The following MDN1 variants were observed in gnomAD, a reference collection of about 807,000 sequenced individuals.
MDN1 encodes the protein midasin AAA ATPase 1, also known as midasin.
Under a neutral mutation model 669.2 loss-of-function variants are expected in MDN1, and 266 were observed. The ratio of observed to expected loss-of-function variants is 0.40; its 90% CI spans 0.36 to 0.44. The LOEUF (loss-of-function observed/expected upper bound fraction) is 0.44. Ranked by LOEUF, MDN1 falls within the 20% of genes least tolerant of loss-of-function variation. The probability of loss-of-function intolerance (pLI) is 1.00; values close to 1 mark genes in which losing one functional copy is unlikely to be tolerated. For missense variants in MDN1, 5,940 were observed against 6,754.0 expected (o/e 0.88, Z 4.22); for synonymous variants, 2,385 against 2,457.1 (o/e 0.97, Z 0.87).
At chr6:89,763,918 C>T (rs1050486578) in intron 15 of MDN1, among the ~76,000 whole-genome samples, 1 of 152,118 alleles carries the variant, frequency 6.6e-6, no homozygotes, top group Non-Finnish European at 1.5e-5. Flanking sequence ...ATTTATTAAA[C>T]AAAAAATGTA....
At chr6:89,762,277 G>C (rs1316337013) in intron 16 of MDN1, 42 bp downstream of exon 16, 1 of 1,524,712 alleles carries the variant, frequency 6.6e-7, no homozygotes, top group East Asian at 2.3e-5. Flanking sequence ...CTAAAGCCCA[G>C]CCCCATGCCC....
Position 89,650,832 on chromosome 6 carries a change from C to T in MDN1, c.15931G>A (p.Glu5311Lys). 1 of 1,613,988 alleles carries T rather than the reference C, an allele frequency of 6.2e-7. No individual in the cohort carries two copies. The highest frequency in any genetic ancestry group is 8.5e-7 in the Non-Finnish European group (1 of 1,179,848). Residue 5311 changes from glutamate (E) to lysine (K), a missense_variant, in exon 96 of 102, where the codon GAG becomes AAG. Around this residue, in one of 5 missense-constraint regions of MDN1, gnomAD observed 2,280 missense variants for 2,576.3 expected, o/e 0.88. Coordinates refer to ENST00000369393, the MANE Select transcript of MDN1 (RefSeq NM_014611.3). ...GNPEEEKVAA[E>K]MWQSYLILTA... ...AAGATCAGGTAACTCTGCCACATCT[C>T]AGCTGCAACCTTCTCCTGTGACAAC...
chr6:89,776,560 G>A, intron 12 of MDN1, 40 bp downstream of exon 12: 1 of 1,492,294 alleles, frequency 6.7e-7, no homozygotes, highest in Non-Finnish European at 9.3e-7. Flanking sequence ...AAAAATCCTA[G>A]CCTCCTTTCA....
chr6:89,670,884 T>A, intron 83 of MDN1, 35 bp downstream of exon 83: 1 of 1,593,562 alleles, frequency 6.3e-7, no homozygotes, highest in East Asian at 2.2e-5. Context: ...CTTGGGTCCC[T>A]GCTGCTCACA....
intron 53 of MDN1, among the ~76,000 whole-genome samples, chr6:89,705,626 G>C (rs777732032): frequency 3.9e-5 from 6 of 152,156 alleles, no homozygotes; most frequent in Non-Finnish European, 7.4e-5. Flanking sequence ...AATGCTGAGT[G>C]AAAGAATATA....
rs766657920 is a variant in MDN1, at chr6:89,701,639, C to G, written c.8346G>C (p.Gln2782His). 1 of 1,614,078 alleles carries G rather than the reference C, an allele frequency of 6.2e-7. No homozygotes were observed. Among genetic ancestry groups the G allele is most frequent in the Admixed American group, 1.7e-5 (1 of 60,012 alleles). ...CACCAGTCTGGCTCCCCAGACAATT[C>G]TGAATATGTTCTGAGACAGTCTGAA... is the stretch of plus-strand genomic sequence containing the variant. Reference protein sequence around the residue: ...KEVQTVSEHIQNCLGSQTGGF... With the variant: ...KEVQTVSEHIHNCLGSQTGGF... Residue 2782 changes from glutamine (Q) to histidine (H), a missense_variant, in exon 55 of 102, where the codon CAG (glutamine) becomes CAC (histidine). Coordinates refer to ENST00000369393, the MANE Select transcript of MDN1 (RefSeq NM_014611.3).
At chr6:89,673,952 C>T in intron 79 of MDN1, 152 bp downstream of exon 79, 1 of 648,804 alleles carries the variant, frequency 1.5e-6, no homozygotes, top group Non-Finnish European at 2.5e-6. Context: ...CCCCACCCCA[C>T]CCCATCCCCC....
chr6:89,673,574 G>T, intron 79 of MDN1, 112 bp from the exon 80 acceptor site: 2 of 911,630 alleles, frequency 2.2e-6, no homozygotes, highest in Non-Finnish European at 3.4e-6. Context: ...CATAGCTGAA[G>T]GTTTACGGCT....
intron 84 of MDN1, among the ~76,000 whole-genome samples, chr6:89,665,368 A>T (rs987986800): frequency 7.2e-5 from 11 of 152,086 alleles, no homozygotes; most frequent in Non-Finnish European, 2.9e-5. Flanking sequence ...TATTTGGGGC[A>T]AAAAGTTTTG....
intron 84 of MDN1, among the ~76,000 whole-genome samples, chr6:89,666,930 A>G (rs939242361): frequency 5.9e-5 from 9 of 152,188 alleles, no homozygotes; most frequent in African/African-American, 2.2e-4. Context: ...CTTCTGATGA[A>G]TATTTGGATT....
chr6:89,664,458 C>G (rs764928439), intron 85 of MDN1, 29 bp downstream of exon 85: 14 of 1,608,462 alleles, frequency 8.7e-6, no homozygotes, highest in Admixed American at 1.7e-5. Flanking sequence ...CTTTCAAAAA[C>G]AAGAATGAAG....
intron 1 of MDN1, among the ~76,000 whole-genome samples, chr6:89,811,868 T>C (rs1034835862): frequency 6.6e-6 from 1 of 152,218 alleles, no homozygotes; most frequent in Non-Finnish European, 1.5e-5. Flanking sequence ...TACACCTTTG[T>C]ATTTTCTCAC....
chr6:89,750,916 G>GTTT (rs11407843), intron 23 of MDN1, among the ~76,000 whole-genome samples: 2 of 148,806 alleles, frequency 1.3e-5, no homozygotes, highest in Admixed American at 6.7e-5. Context: ...TATTATTTTG[G>GTTT]TTTTTTTTTT....
chr6:89,753,949 A>G (rs1817094539), intron 21 of MDN1, 134 bp downstream of exon 21: 1 of 765,396 alleles, frequency 1.3e-6, no homozygotes, highest in Non-Finnish European at 1.9e-6. Context: ...GGCAAGGTAA[A>G]TCTGGTAAGA....
chr6:89,704,976 G>A (rs1020021646), intron 53 of MDN1, among the ~76,000 whole-genome samples: 2 of 152,174 alleles, frequency 1.3e-5, no homozygotes, highest in African/African-American at 4.8e-5. Flanking sequence ...TTTTTGGTGT[G>A]CCATCAAATA....
intron 1 of MDN1, chr6:89,815,331 G>A (rs1419444417): frequency 8.4e-6 from 4 of 477,408 alleles, no homozygotes; most frequent in Non-Finnish European, 1.3e-5. Context: ...CCCAAGAGCT[G>A]GATGAAGCCA....
chr6:89,661,191 C>T (rs16882033), intron 88 of MDN1, among the ~76,000 whole-genome samples: 6,865 of 151,974 alleles, frequency 0.045, 187 homozygotes, highest in South Asian at 0.13. Context: ...CATAGCAGTG[C>T]CAAAAGCGAG....
chr6:89,646,656 A>G (rs1808509535), intron 99 of MDN1, 53 bp from the exon 100 acceptor site: 1 of 1,439,984 alleles, frequency 6.9e-7, no homozygotes, highest in Admixed American at 1.7e-5. Context: ...TGCTCTTCTC[A>G]TTGTCAAAGA....
chr6:89,743,657 G>A lies in MDN1; in HGVS notation c.4236C>T (p.Tyr1412=), dbSNP rs757919469. The stretch of plus-strand genomic sequence containing the variant: ...CCATGTGTAAGTGGCAGCTGACAGA[G>A]TATAATTTCTGATTTGCCAAGGCTG... ...VFAALANQKL[Y]SVSCHLHMET... The change falls in exon 30 of 102, where the codon TAC becomes TAT. Residue 1412 remains tyrosine (Y), a synonymous_variant. Coordinates refer to ENST00000369393, the MANE Select transcript of MDN1 (RefSeq NM_014611.3). 3.7e-6 allele frequency: 6 copies of A among 1,614,108 alleles called. No individual in the cohort carries two copies. The highest frequency in any genetic ancestry group is 5.1e-6 in the Non-Finnish European group (6 of 1,179,980).
Sources: gnomAD v4.1 joint callset for allele counts (sites outside exome capture counted in the v4.1 genomes callset) on GRCh38, gnomAD v4.1.1 for gene constraint, gnomAD v4.1.1 regional missense constraint, MANE v1.5 for transcripts, NCBI Gene and HGNC (gene_info 2026-07-23, HGNC 2026-07-21) for gene names.